SLC35F1: variants seen among roughly 807,000 people sequenced by gnomAD.
SLC35F1 encodes the protein solute carrier family 35 member F1.
A neutral mutation model predicts 48.7 loss-of-function variants in SLC35F1; 14 were observed. The observed-to-expected ratio is 0.29, with a 90% CI of 0.19 to 0.45. SLC35F1 has a LOEUF of 0.45. Among genes scored for constraint, SLC35F1 ranks in the 20% least tolerant of loss-of-function variants. The pLI is 1.00. For missense variants in SLC35F1, 404 were observed against 500.0 expected (o/e 0.81, Z 1.83); for synonymous variants, 190 against 202.2 (o/e 0.94, Z 0.51).
chr6:118,061,590 G>GTGTATATATATA lies in SLC35F1; in HGVS notation c.174-92854_174-92853insGTATATATATAT, dbSNP rs911818102. Among the ~76,000 whole-genome samples, 8 of 144,418 alleles carry GTGTATATATATA rather than the reference G, an allele frequency of 5.5e-5. No individual in the cohort carries two copies. In the East Asian group the frequency reaches 6.2e-4, roughly 11 times the overall value. 94.7% of individuals were successfully genotyped at this position (144,418 alleles called of 152,430 possible). A position where few individuals can be genotyped will look rare whatever the true frequency, so the allele number is the denominator to read the frequency against. ...TATACATTTGTGTGTGTGTGTGTGT[G>GTGTATATATATA]TATATATATATATATGTTTGGTATC... is the stretch of plus-strand genomic sequence containing the variant. On this transcript the variant is annotated intron_variant, in intron 1 of 7. Transcript: ENST00000360388.
intron 3 of SLC35F1, among the ~76,000 whole-genome samples, chr6:118,239,265 A>G (rs1258868732): frequency 6.7e-6 from 1 of 149,644 alleles, no homozygotes; most frequent in Admixed American, 6.8e-5. Context: ...ACATGTTTGA[A>G]GAAGTTAATT....
In SLC35F1 at chr6:117,923,654, C is replaced by CATATGT. The variant is rs1775946016; in HGVS notation, c.173+15760_173+15765dup. ...ATATATGTACATATGTACATATGTA[C>CATATGT]ATATGTATATATACATATATGTACA... On this transcript the variant is annotated intron_variant, in intron 1 of 7. Coordinates refer to ENST00000360388, the MANE Select transcript of SLC35F1 (RefSeq NM_001029858.4). Among the ~76,000 whole-genome samples, 2 of 54,056 alleles carry CATATGT rather than the reference C, an allele frequency of 3.7e-5. 1 individual carries two copies. Among genetic ancestry groups the CATATGT allele is most frequent in the East Asian group, 1.1e-3 (2 of 1,800 alleles). The allele number at this position is 54,056 out of a possible 152,430, so 35.5% of individuals were successfully genotyped here. A position where few individuals can be genotyped will look rare whatever the true frequency, so the allele number is the denominator to read the frequency against.
chr6:117,974,135 G>T (rs1776677713), intron 1 of SLC35F1, among the ~76,000 whole-genome samples: 1 of 152,150 alleles, frequency 6.6e-6, no homozygotes, highest in Non-Finnish European at 1.5e-5. Context: ...CCTCATCCAT[G>T]AAATAGGAAT....
intron 1 of SLC35F1, among the ~76,000 whole-genome samples, chr6:117,979,180 C>G (rs1205587403): frequency 3.3e-5 from 5 of 152,212 alleles, no homozygotes; most frequent in Non-Finnish European, 5.9e-5. Context: ...CCCACCACAT[C>G]CCCCAAACTT....
At chr6:118,117,779 C>T (rs1237533807) in intron 1 of SLC35F1, among the ~76,000 whole-genome samples, 1 of 152,164 alleles carries the variant, frequency 6.6e-6, no homozygotes, top group Non-Finnish European at 1.5e-5. Flanking sequence ...AGATCTGCAT[C>T]TGTCACTATA....
intron 2 of SLC35F1, among the ~76,000 whole-genome samples, chr6:118,201,991 A>G (rs148156210): frequency 7.1e-4 from 108 of 152,222 alleles, no homozygotes; most frequent in African/African-American, 2.5e-3. Context: ...GATATATCCT[A>G]TTGCATTTAT....
intron 1 of SLC35F1, among the ~76,000 whole-genome samples, chr6:118,103,921 A>G (rs1425451302): frequency 6.6e-6 from 1 of 152,206 alleles, no homozygotes; most frequent in Non-Finnish European, 1.5e-5. Context: ...AGTTTGCAGT[A>G]GGTTACTGTG....
At chr6:117,941,326 A>C (rs1582575824) in intron 1 of SLC35F1, among the ~76,000 whole-genome samples, 3 of 152,310 alleles carry the variant, frequency 2.0e-5, no homozygotes, top group Admixed American at 2.0e-4. Context: ...CTGGTATTTA[A>C]AAGTTTTTAG....
intron 2 of SLC35F1, among the ~76,000 whole-genome samples, chr6:118,196,739 A>G (rs1774805832): frequency 6.6e-6 from 1 of 151,962 alleles, no homozygotes; most frequent in South Asian, 2.1e-4. Flanking sequence ...AATAAATTAA[A>G]TAAATAAATA....
At chr6:117,978,210 A>G (rs1247301951) in intron 1 of SLC35F1, among the ~76,000 whole-genome samples, 1 of 149,570 alleles carries the variant, frequency 6.7e-6, no homozygotes, top group Non-Finnish European at 1.5e-5. Flanking sequence ...GAAATGTCCA[A>G]TAACAGAAAT....
At chr6:118,149,728 A>G (rs757243638) in intron 1 of SLC35F1, among the ~76,000 whole-genome samples, 8 of 152,232 alleles carry the variant, frequency 5.3e-5, no homozygotes, top group Non-Finnish European at 1.0e-4. Context: ...CAGCTGAATG[A>G]CATGGCCATT....
chr6:118,141,432 G>A lies in SLC35F1; in HGVS notation c.174-13013G>A, dbSNP rs574800299. Among the ~76,000 whole-genome samples, 151 of 152,268 alleles carry A rather than the reference G, an allele frequency of 9.9e-4. 1 individual carries two copies. Among genetic ancestry groups the A allele is most frequent in the African/African-American group, 3.6e-3 (151 of 41,544 alleles). ...ACAATTATTAAAATCACTTGAGGAT[G>A]CATTTTCATTCTTAAGTGATACATG... On this transcript the variant is annotated intron_variant, in intron 1 of 7. Transcript: ENST00000360388.
intron 1 of SLC35F1, among the ~76,000 whole-genome samples, chr6:118,044,139 C>T (rs922079136): frequency 2.6e-5 from 4 of 152,180 alleles, no homozygotes; most frequent in South Asian, 2.1e-4. Context: ...AAAGCCAGTA[C>T]CTTCTTGGCC....
intron 1 of SLC35F1, among the ~76,000 whole-genome samples, chr6:118,016,586 G>T (rs1016183622): frequency 4.6e-5 from 7 of 152,062 alleles, no homozygotes; most frequent in Non-Finnish European, 8.8e-5. Context: ...TTTTAGGGTA[G>T]AACTGCAAAT....
chr6:118,205,016 T>G (rs1357663574), intron 2 of SLC35F1, among the ~76,000 whole-genome samples: 1 of 152,182 alleles, frequency 6.6e-6, no homozygotes, highest in Non-Finnish European at 1.5e-5. Context: ...AGGAAAGCCT[T>G]TCACCTCTAC....
At chr6:118,153,179 G>A (rs1283535903) in intron 1 of SLC35F1, among the ~76,000 whole-genome samples, 1 of 152,172 alleles carries the variant, frequency 6.6e-6, no homozygotes, top group Non-Finnish European at 1.5e-5. Context: ...TTATGGGGGA[G>A]TAAATATGTA....
rs117461488 is a variant in SLC35F1, at chr6:118,289,764, C to T, written c.1002+4426C>T. Among the ~76,000 whole-genome samples, 1,147 of 152,142 alleles carry T rather than the reference C, an allele frequency of 7.5e-3. 4 individuals carry two copies. Among genetic ancestry groups the T allele is most frequent in the Non-Finnish European group, 0.013 (902 of 67,996 alleles). On this transcript the variant is annotated intron_variant, in intron 7 of 7. Coordinates refer to ENST00000360388, the MANE Select transcript of SLC35F1 (RefSeq NM_001029858.4). ...AAACATAGTCATGCCTAGGTCCTGC[C>T]CAAGAAAGCGAGATCCTGATTAATT...
At chr6:118,042,379 T>C (rs1314653918) in intron 1 of SLC35F1, among the ~76,000 whole-genome samples, 1 of 152,178 alleles carries the variant, frequency 6.6e-6, no homozygotes, top group East Asian at 1.9e-4. Flanking sequence ...ATGAAACAAC[T>C]AACTCTACCT....
intron 1 of SLC35F1, among the ~76,000 whole-genome samples, chr6:117,932,280 A>G (rs1420391347): frequency 1.3e-5 from 2 of 152,234 alleles, no homozygotes; most frequent in Non-Finnish European, 2.9e-5. Flanking sequence ...TACTCAGAAT[A>G]TGGTATTTTG....
Sources: gnomAD v4.1 joint callset for allele counts (sites outside exome capture counted in the v4.1 genomes callset) on GRCh38, gnomAD v4.1.1 for gene constraint, MANE v1.5 for transcripts, NCBI Gene and HGNC (gene_info 2026-07-23, HGNC 2026-07-21) for gene names.